MEF2C: variants seen among roughly 807,000 people sequenced by gnomAD.
The protein encoded by MEF2C is myocyte-specific enhancer factor 2C.
Under a neutral mutation model 50.5 loss-of-function variants are expected in MEF2C, and 6 were observed. The ratio of observed to expected loss-of-function variants is 0.12; its 90% confidence interval spans 0.07 to 0.23. MEF2C has a LOEUF of 0.23. Ranked by LOEUF, MEF2C falls within the 10% of genes least tolerant of loss-of-function variation. The pLI is 1.00. For synonymous variants in MEF2C, 183 were observed against 228.0 expected (o/e 0.80, Z 1.78); for missense variants, 276 against 605.0 (o/e 0.46, Z 5.70).
chr5:88,742,395 G>C, intron 6 of MEF2C: 1 of 984,250 alleles, frequency 1.0e-6, no homozygotes, highest in Non-Finnish European at 1.2e-6. Context: ...AATATTAACG[G>C]CTTGAATTTA....
At chr5:88,734,581 T>TTG in intron 6 of MEF2C, 1 of 958,872 alleles carries the variant, frequency 1.0e-6, no homozygotes, top group South Asian at 4.8e-5. Context: ...TTTTTTTTTT[T>TTG]TTTTTTTTTT....
At chr5:88,771,848 C>T (rs1013640975) in intron 3 of MEF2C, 23 of 153,176 alleles carry the variant, frequency 1.5e-4, no homozygotes, top group African/African-American at 5.5e-4. Context: ...GATTGCGGCA[C>T]AGGACATCCC....
intron 1 of MEF2C, among the ~76,000 whole-genome samples, chr5:88,859,292 G>A (rs372632823): frequency 5.3e-5 from 8 of 152,258 alleles, no homozygotes; most frequent in African/African-American, 1.9e-4. Flanking sequence ...GTATTCCTGG[G>A]AACATAATGG....
chr5:88,763,255 G>A (rs963361086), intron 3 of MEF2C, among the ~76,000 whole-genome samples: 5 of 152,142 alleles, frequency 3.3e-5, no homozygotes, highest in African/African-American at 1.2e-4. Context: ...TATAATTGGT[G>A]GGGCCACCTG....
chr5:88,885,487 T>G (rs146554739), upstream of MEF2C, among the ~76,000 whole-genome samples: 1 of 152,328 alleles, frequency 6.6e-6, no homozygotes, highest in East Asian at 1.9e-4. Flanking sequence ...TCTTGCAGAT[T>G]AGTATTTACA....
chr5:88,860,769 T>A (rs1325077846), intron 1 of MEF2C, among the ~76,000 whole-genome samples: 1 of 152,196 alleles, frequency 6.6e-6, no homozygotes, highest in African/African-American at 2.4e-5. Context: ...AAAGGTACAT[T>A]TTTCCCCCTC....
intron 3 of MEF2C, among the ~76,000 whole-genome samples, chr5:88,786,798 A>G (rs1341151006): frequency 1.3e-5 from 2 of 152,242 alleles, no homozygotes; most frequent in African/African-American, 4.8e-5. Context: ...AGATTGGCTT[A>G]GCATATCAAA....
In MEF2C at chr5:88,751,996, G is replaced by A. The variant is rs1380809389; in HGVS notation, c.450C>T (p.Ser150=). Reference sequence around the variant, plus strand: ...TGCTGTACACCAAACTGTTGTGGCTGGACACTGGGATGGAGACTGGCATCT... The same window carrying A: ...TGCTGTACACCAAACTGTTGTGGCTAGACACTGGGATGGAGACTGGCATCT... ...NFEMPVSIPV[S]SHNSLVYSNP... The change falls in exon 5 of 11, where the codon TCC becomes TCT. Residue 150 remains serine (S), a synonymous_variant. Coordinates refer to ENST00000504921, the MANE Select transcript of MEF2C (RefSeq NM_002397.5). The A allele has an allele frequency of 1.2e-6, 2 of 1,613,158 alleles. No homozygotes were observed. Among genetic ancestry groups the A allele is most frequent in the Admixed American group, 3.3e-5 (2 of 59,990 alleles).
At chr5:88,742,037 G>A (rs1479699955) in intron 6 of MEF2C, 1 of 985,236 alleles carries the variant, frequency 1.0e-6, no homozygotes, top group Non-Finnish European at 1.2e-6. Flanking sequence ...CTATGTAAGT[G>A]TAACTGCAAA....
At chr5:88,868,077 C>G (rs750196037) in intron 1 of MEF2C, among the ~76,000 whole-genome samples, 1 of 152,152 alleles carries the variant, frequency 6.6e-6, no homozygotes, top group Non-Finnish European at 1.5e-5. Flanking sequence ...GTGGTACCCC[C>G]TGTGTTGGAA....
intron 6 of MEF2C, chr5:88,733,598 G>C (rs1762589143): frequency 1.0e-6 from 1 of 985,208 alleles, no homozygotes; most frequent in Non-Finnish European, 1.2e-6. Flanking sequence ...AGATATTTAT[G>C]GGAACATCTT....
At chr5:88,856,424 G>A (rs924648205) in intron 1 of MEF2C, among the ~76,000 whole-genome samples, 1 of 152,198 alleles carries the variant, frequency 6.6e-6, no homozygotes, top group African/African-American at 2.4e-5. Flanking sequence ...ATTTTTTGAT[G>A]AGAAATTCAA....
intron 1 of MEF2C, among the ~76,000 whole-genome samples, chr5:88,894,473 ATGT>A (rs1185596035): frequency 6.6e-6 from 1 of 152,186 alleles, no homozygotes; most frequent in East Asian, 1.9e-4. Flanking sequence ...TATTTCAGTA[ATGT>A]TGTCTTTGCT....
intron 5 of MEF2C, 110 bp from the exon 6 acceptor site, chr5:88,749,227 T>G (rs916832587): frequency 1.5e-6 from 2 of 1,314,248 alleles, no homozygotes; most frequent in Admixed American, 3.0e-5. Flanking sequence ...GTCATAAACT[T>G]GTAAAGTACA....
chr5:88,884,008 A>G (rs1176702347), upstream of MEF2C, among the ~76,000 whole-genome samples: 1 of 152,224 alleles, frequency 6.6e-6, no homozygotes, highest in Non-Finnish European at 1.5e-5. Flanking sequence ...GTGGGGTAAT[A>G]GCACATGCCA....
At chr5:88,894,681 A>C (rs1003732530) in intron 1 of MEF2C, among the ~76,000 whole-genome samples, 1 of 152,224 alleles carries the variant, frequency 6.6e-6, no homozygotes, top group South Asian at 2.1e-4. Flanking sequence ...ATTGACACTA[A>C]TTGAAGATAT....
chr5:88,736,791 T>C, intron 6 of MEF2C: 1 of 985,440 alleles, frequency 1.0e-6, no homozygotes, highest in Non-Finnish European at 1.2e-6. Flanking sequence ...TGACACACTC[T>C]ATCTATGAAA....
intron 1 of MEF2C, among the ~76,000 whole-genome samples, chr5:88,862,127 T>C (rs747799235): frequency 6.6e-6 from 1 of 152,236 alleles, no homozygotes; most frequent in African/African-American, 2.4e-5. Context: ...AGACTTGGAA[T>C]TTTGTTCCAT....
intron 10 of MEF2C, among the ~76,000 whole-genome samples, chr5:88,727,510 T>G (rs1225515442): frequency 6.6e-6 from 1 of 152,170 alleles, no homozygotes; most frequent in Non-Finnish European, 1.5e-5. Flanking sequence ...GTGACTTTTA[T>G]ACTAATCAGT....
Sources: allele counts gnomAD v4.1 joint callset (sites outside exome capture counted in the v4.1 genomes callset), GRCh38; gene constraint gnomAD v4.1.1; transcripts MANE v1.5; gene names NCBI Gene and HGNC (gene_info 2026-07-23, HGNC 2026-07-21).